Variants in RIT2 observed in about 807,000 individuals in gnomAD.
RIT2 encodes GTP-binding protein Rit2.
RIT2 carries 24 observed loss-of-function variants against 23.7 expected under a neutral mutation model. That is an observed-to-expected ratio of 1.01 (90% CI 0.73 to 1.43). The LOEUF (loss-of-function observed/expected upper bound fraction) is 1.43, where lower values mean the gene tolerates loss of function less well. Ranked by LOEUF, RIT2 falls within the 40% of genes most tolerant of loss-of-function variation. The probability of loss-of-function intolerance (pLI) is 0.00; values close to 1 mark genes in which losing one functional copy is unlikely to be tolerated. For missense variants in RIT2, 236 were observed against 266.9 expected (o/e 0.88, Z 0.81); for synonymous variants, 107 against 91.1 (o/e 1.17, Z -0.99).
intron 1 of RIT2, among the ~76,000 whole-genome samples, chr18:43,063,629 A>G (rs1912703650): frequency 6.6e-6 from 1 of 152,166 alleles, no homozygotes; most frequent in Non-Finnish European, 1.5e-5. Context: ...TTGAGTCATA[A>G]GTTATTTTCT....
chr18:43,036,953 T>TAATCTAAGGA (rs1911995206), intron 1 of RIT2, among the ~76,000 whole-genome samples: 2 of 152,212 alleles, frequency 1.3e-5, no homozygotes, highest in African/African-American at 4.8e-5. Context: ...GAGATTAAAT[T>TAATCTAAGGA]TTATTTCATT....
At chr18:42,858,702 T>C (rs656617) in intron 4 of RIT2, among the ~76,000 whole-genome samples, 76,441 of 152,036 alleles carry the variant, frequency 0.5, 21,615 homozygotes, top group African/African-American at 0.78. Flanking sequence ...AAGTTGATTC[T>C]AATTCCCCAT....
At chr18:43,000,954 A>G (rs1911090167) in intron 2 of RIT2, among the ~76,000 whole-genome samples, 2 of 152,086 alleles carry the variant, frequency 1.3e-5, no homozygotes, top group South Asian at 4.1e-4. Context: ...CTTGGGCTGT[A>G]GGGGGTTGCA....
intron 1 of RIT2, among the ~76,000 whole-genome samples, chr18:43,096,477 A>T (rs1913556268): frequency 6.6e-6 from 1 of 151,850 alleles, no homozygotes; most frequent in African/African-American, 2.4e-5. Context: ...TTCAGGAGAA[A>T]ATATGTATTT....
chr18:43,007,094 A>G (rs546087434), intron 2 of RIT2, among the ~76,000 whole-genome samples: 1 of 151,760 alleles, frequency 6.6e-6, no homozygotes, highest in African/African-American at 2.4e-5. Context: ...GTATAAAGAT[A>G]ATAAACAATT....
intron 4 of RIT2, among the ~76,000 whole-genome samples, chr18:42,857,317 T>C (rs1033326581): frequency 4.6e-5 from 7 of 152,234 alleles, no homozygotes; most frequent in Admixed American, 2.6e-4. Context: ...TCAAATTCTA[T>C]AAATCTTCAT....
intron 1 of RIT2, among the ~76,000 whole-genome samples, chr18:43,098,039 A>T (rs1409896752): frequency 6.6e-6 from 1 of 151,950 alleles, no homozygotes; most frequent in Non-Finnish European, 1.5e-5. Flanking sequence ...ATTAAAAATG[A>T]TAGCACATGA....
At chr18:42,905,270 G>T (rs1039168601) in intron 4 of RIT2, among the ~76,000 whole-genome samples, 2 of 152,014 alleles carry the variant, frequency 1.3e-5, no homozygotes, top group Admixed American at 1.3e-4. Flanking sequence ...AATTAGATTT[G>T]TATATGTTAA....
chr18:43,058,584 C>T (rs1912564634), intron 1 of RIT2, among the ~76,000 whole-genome samples: 1 of 152,036 alleles, frequency 6.6e-6, no homozygotes, highest in African/African-American at 2.4e-5. Context: ...AAATTCAAGT[C>T]TATAAAAAAT....
intron 4 of RIT2, chr18:42,920,663 A>T: frequency 1.4e-6 from 2 of 1,479,940 alleles, no homozygotes; most frequent in Non-Finnish European, 1.9e-6. Context: ...GGGATTTCCC[A>T]AAATGCATTA....
chr18:43,109,714 A>G (rs1913908505), intron 1 of RIT2, among the ~76,000 whole-genome samples: 1 of 152,184 alleles, frequency 6.6e-6, no homozygotes, highest in African/African-American at 2.4e-5. Context: ...ATTTTCCACC[A>G]TGAGATGGTG....
At position 43,053,330 on chromosome 18, in the gene RIT2, A is replaced by G. The variant is rs1454605836; in HGVS notation, c.104-19463T>C. Among the ~76,000 whole-genome samples, 4 of 152,190 alleles carry G rather than the reference A, an allele frequency of 2.6e-5. No individual in the cohort carries two copies. The South Asian group carries it at 8.3e-4, about 32-fold the overall frequency. On this transcript the variant is annotated intron_variant, in intron 1 of 4. Coordinates refer to ENST00000326695, the MANE Select transcript of RIT2 (RefSeq NM_002930.4). ...TAGGAAACTTGTCCAGAGTGGTATA[A>G]TAAGACATGCAACTGGATTTCAATC...
chr18:42,944,525 G>A (rs1325878044), intron 3 of RIT2, among the ~76,000 whole-genome samples: 2 of 152,028 alleles, frequency 1.3e-5, no homozygotes, highest in East Asian at 1.9e-4. Context: ...CTGTGATTTC[G>A]AGAGAAAGTG....
At chr18:42,842,052 G>A (rs551541369) in intron 4 of RIT2, among the ~76,000 whole-genome samples, 1 of 152,320 alleles carries the variant, frequency 6.6e-6, no homozygotes, top group Admixed American at 6.5e-5. Context: ...CCAGCCAGTT[G>A]AGGGAGGTAA....
chr18:42,796,234 G>A (rs1905351824), intron 4 of RIT2, among the ~76,000 whole-genome samples: 2 of 152,132 alleles, frequency 1.3e-5, no homozygotes, highest in Admixed American at 6.5e-5. Flanking sequence ...CTCACTGGGA[G>A]GAACCAACAA....
At position 42,798,992 on chromosome 18, in the gene RIT2, C is replaced by CT. The variant is rs1905449062; in HGVS notation, c.427-55273dup. Among the ~76,000 whole-genome samples, 4 of 152,296 alleles carry CT rather than the reference C, an allele frequency of 2.6e-5. No individual in the cohort carries two copies. In the South Asian group the frequency reaches 8.3e-4, roughly 32 times the overall value. On this transcript the variant is annotated intron_variant, in intron 4 of 4. Transcript: ENST00000326695. ...ACTGCAGCCAGTCTCATTGCATAAA[C>CT]TGTTTATTTTAGTTTTAGTGTTTGT... is the stretch of plus-strand genomic sequence containing the variant.
chr18:43,013,084 T>A lies in RIT2; in HGVS notation c.160+20727A>T, dbSNP rs77014539. On this transcript the variant is annotated intron_variant, in intron 2 of 4. Coordinates refer to ENST00000326695, the MANE Select transcript of RIT2 (RefSeq NM_002930.4). ...TTCACCTTTTTCAGAACAAATCCTCTCCCTAAAATTAAACATTTCGTGTGT... is the reference window on the plus strand; with the variant it reads ...TTCACCTTTTTCAGAACAAATCCTCACCCTAAAATTAAACATTTCGTGTGT... 9.2e-5 allele frequency among the ~76,000 whole-genome samples: 14 copies of A among 151,852 alleles called. No homozygotes were observed. In the East Asian group the frequency reaches 2.7e-3, roughly 30 times the overall value.
intron 4 of RIT2, among the ~76,000 whole-genome samples, chr18:42,897,622 G>A (rs981963440): frequency 3.3e-5 from 5 of 151,984 alleles, no homozygotes; most frequent in Non-Finnish European, 4.4e-5. Context: ...TGGTATTAAA[G>A]TTTCATGGCG....
rs184393649 is a variant in RIT2, at chr18:42,996,707, G to A, written c.161-22560C>T. 1.4e-4 allele frequency among the ~76,000 whole-genome samples: 21 copies of A among 150,972 alleles called. No homozygotes were observed. In the East Asian group the frequency reaches 2.4e-3, roughly 17 times the overall value. On this transcript the variant is annotated intron_variant, in intron 2 of 4. Coordinates refer to ENST00000326695, the MANE Select transcript of RIT2 (RefSeq NM_002930.4). ...AACGGCCTCACCCCTATCTCCCTTC[G>A]CTGACTCTTTTTTCGGACTCAGCCT...
Sources: gnomAD v4.1 joint callset for allele counts (sites outside exome capture counted in the v4.1 genomes callset) on GRCh38, gnomAD v4.1.1 for gene constraint, MANE v1.5 for transcripts, NCBI Gene and HGNC (gene_info 2026-07-23, HGNC 2026-07-21) for gene names.